Variants in ABCC3 observed in about 807,000 individuals in gnomAD.
ABCC3 encodes the protein ATP binding cassette subfamily C member 3.
A neutral mutation model predicts 165.3 loss-of-function variants in ABCC3; 121 were observed. That is an observed-to-expected ratio of 0.73 (90% CI 0.63 to 0.85). ABCC3 has a LOEUF of 0.85. ABCC3 is among the 40% of genes least tolerant of loss of function. The probability of loss-of-function intolerance (pLI) is 0.00; values close to 1 mark genes in which losing one functional copy is unlikely to be tolerated. For missense variants in ABCC3, 1,869 were observed against 1,964.1 expected, an observed-to-expected ratio of 0.95 and a Z score of 0.92; for synonymous variants, 733 against 810.1, an observed-to-expected ratio of 0.90 and a Z score of 1.62.
At position 50,640,514 on chromosome 17, in the gene ABCC3, T is replaced by TTGTTG. The variant is rs1225088242; in HGVS notation, c.45+5548_45+5552dup. On this transcript the variant is annotated intron_variant, in intron 1 of 30. Coordinates refer to ENST00000285238, the MANE Select transcript of ABCC3 (RefSeq NM_003786.4). ...GCACAACCAGTTTTTGTTTGTTTGT[T>TTGTTG]TGTTGTGTTGTGTTGTGTTTTTGAG... Among the ~76,000 whole-genome samples, 10 of 152,212 alleles carry TTGTTG rather than the reference T, an allele frequency of 6.6e-5. No individual in the cohort carries two copies. In the East Asian group the frequency reaches 1.2e-3, roughly 18 times the overall value.
At position 50,635,622 on chromosome 17, in the gene ABCC3, T is replaced by C. The variant is rs557766095; in HGVS notation, c.45+641T>C. 1.1e-4 allele frequency: 75 copies of C among 702,368 alleles called. No homozygotes were observed. The African/African-American group carries it at 1.2e-3, about 11-fold the overall frequency. 43.5% of individuals were successfully genotyped at this position (702,368 alleles called of 1,614,324 possible). Reference sequence around the variant, plus strand: ...GACAGGTGCAGGGTGTCAGGATTCCTGTAGTCCAACTCCCTTCTCACAGAT... The same window carrying C: ...GACAGGTGCAGGGTGTCAGGATTCCCGTAGTCCAACTCCCTTCTCACAGAT... On this transcript the variant is annotated intron_variant, in intron 1 of 30. Transcript: ENST00000285238.
At chr17:50,679,732 T>A (rs1168776195) in intron 25 of ABCC3, 66 bp from the exon 26 acceptor site, 5 of 1,454,440 alleles carry the variant, frequency 3.4e-6, no homozygotes, top group African/African-American at 2.8e-5. Flanking sequence ...GAGTCTGAAC[T>A]CCTCCCAAAG....
chr17:50,669,519 T>C lies in ABCC3; in HGVS notation c.2232T>C (p.Ile744=). Residue 744 remains isoleucine (I), a synonymous_variant, in exon 17 of 31, where the codon ATT becomes ATC. Transcript: ENST00000285238. ...EMLPGGDQTE[I]GEKGINLSGG... ...TGCCTGGTGGGGATCAGACAGAGATTGGAGAGAAGGTACAGAGTCCTCTTC... is the reference window on the plus strand; with the variant it reads ...TGCCTGGTGGGGATCAGACAGAGATCGGAGAGAAGGTACAGAGTCCTCTTC... 1 of 1,614,150 alleles carries C rather than the reference T, an allele frequency of 6.2e-7. No individual in the cohort carries two copies. Among genetic ancestry groups the C allele is most frequent in the South Asian group, 1.1e-5 (1 of 91,080 alleles).
chr17:50,637,642 T>G (rs1014797683), intron 1 of ABCC3, among the ~76,000 whole-genome samples: 24 of 152,208 alleles, frequency 1.6e-4, no homozygotes, highest in Admixed American at 1.5e-3. Context: ...CCTTATAGCT[T>G]CAGTTTCTCC....
Position 50,684,594 on chromosome 17 carries a change from G to C in ABCC3, c.4114-115G>C, listed in dbSNP as rs899442589. 2.4e-5 allele frequency: 28 copies of C among 1,173,118 alleles called. No homozygotes were observed. In the Admixed American group the frequency reaches 6.1e-4, roughly 26 times the overall value. The allele number at this position is 1,173,118 out of a possible 1,614,324, so 72.7% of individuals were successfully genotyped here. On this transcript the variant is annotated intron_variant, in intron 28 of 30. Transcript: ENST00000285238. ...TGGCCATTGTGTCCTCTGGGGAGCT[G>C]GAAACAGAGTGGGAATGCTGCCACC...
At chr17:50,670,113 G>T (rs567313706) in intron 17 of ABCC3, among the ~76,000 whole-genome samples, 2 of 150,800 alleles carry the variant, frequency 1.3e-5, no homozygotes, top group African/African-American at 4.9e-5. Flanking sequence ...ACAGAGCCTT[G>T]CTCTGTCACC....
chr17:50,661,244 TG>T, intron 8 of ABCC3, 130 bp downstream of exon 8: 1 of 988,196 alleles, frequency 1.0e-6, no homozygotes, highest in Non-Finnish European at 1.4e-6. Flanking sequence ...CTCCACTTTC[TG>T]TGTGACCTTT....
rs193175149 is a variant in ABCC3, at chr17:50,691,101, C to G, written c.4485C>G (p.Val1495=). 36 of 1,613,678 alleles carry G rather than the reference C, an allele frequency of 2.2e-5. No individual in the cohort carries two copies. Among genetic ancestry groups the G allele is most frequent in the Non-Finnish European group, 3.0e-5 (35 of 1,179,632 alleles). The change falls in exon 31 of 31, where the codon GTC becomes GTG. Residue 1495 remains valine, a synonymous_variant. Transcript: ENST00000285238. ...TCTCTTTTTTGACTAGGGTCCTGGT[C>G]CTGGACAAAGGAGTAGTAGCTGAAT... The part of the protein sequence containing the change: ...NTIMDYTRVL[V]LDKGVVAEFD...
In ABCC3 at chr17:50,679,866, G is replaced by A. The variant is rs373253663; in HGVS notation, c.3774G>A (p.Glu1258=). ...TGGAATCTAACATCGTGGCTGTGGA[G>A]AGGGTCAAGGAGTACTCCAAGACAG... is the stretch of plus-strand genomic sequence containing the variant. ...SDLESNIVAV[E]RVKEYSKTET... Residue 1258 remains glutamate, a synonymous_variant, in exon 26 of 31, where the codon GAG becomes GAA. Coordinates refer to ENST00000285238, the MANE Select transcript of ABCC3 (RefSeq NM_003786.4). 2 of 1,614,062 alleles carry A rather than the reference G, an allele frequency of 1.2e-6. No homozygotes were observed. The highest frequency in any genetic ancestry group is 1.3e-5 in the African/African-American group (1 of 74,922).
chr17:50,651,821 T>C (rs1967121327), intron 1 of ABCC3, among the ~76,000 whole-genome samples: 1 of 152,252 alleles, frequency 6.6e-6, no homozygotes, highest in South Asian at 2.1e-4. Flanking sequence ...ACACTTATGC[T>C]TGGATTGCCT....
At chr17:50,656,030 T>C (rs748690571) in intron 2 of ABCC3, 22 bp downstream of exon 2, 11 of 1,605,618 alleles carry the variant, frequency 6.9e-6, no homozygotes, top group African/African-American at 2.7e-5. Flanking sequence ...AGGGATCTCC[T>C]ACCGATGGGG....
In ABCC3 at chr17:50,676,395, C is replaced by G; in HGVS notation, c.3185C>G (p.Thr1062Ser). The change falls in exon 23 of 31, where the codon ACC becomes AGC. Residue 1062 changes from threonine (T) to serine (S), a missense_variant. Transcript: ENST00000285238. ...KIRSPQSFFD[T>S]TPSGRILNCF... ...CGCTCGCCACAGTCCTTCTTTGACA[C>G]CACACCATCAGGCCGCATCCTGAAC... The G allele has an allele frequency of 1.2e-5, 19 of 1,614,234 alleles. No homozygotes were observed. The highest frequency in any genetic ancestry group is 1.5e-5 in the Non-Finnish European group (18 of 1,180,038).
At chr17:50,671,259 TAAAAAAAAAAA>T (rs528722797) in intron 17 of ABCC3, among the ~76,000 whole-genome samples, 1 of 133,238 alleles carries the variant, frequency 7.5e-6, no homozygotes, top group Non-Finnish European at 1.6e-5. Context: ...GACTCTGTCT[TAAAAAAAAAAA>T]AAAGAAAAAA....
At chr17:50,639,176 A>G (rs1216388937) in intron 1 of ABCC3, among the ~76,000 whole-genome samples, 1 of 152,190 alleles carries the variant, frequency 6.6e-6, no homozygotes, top group Admixed American at 6.5e-5. Context: ...TCAGGAACCC[A>G]GTCCTCCCTG....
chr17:50,663,877 C>G lies in ABCC3; in HGVS notation c.1176+19C>G, dbSNP rs1567831445. The stretch of plus-strand genomic sequence containing the variant: ...CAGGAAGGTCAGCTGGAGCAGGGCC[C>G]AGGGGAAAGGCTGGCCCTGGGCAGC... On this transcript the variant is annotated intron_variant, in intron 9 of 30. Coordinates refer to ENST00000285238, the MANE Select transcript of ABCC3 (RefSeq NM_003786.4). 6.2e-7 allele frequency: 1 copy of G among 1,614,186 alleles called. No individual in the cohort carries two copies. Among genetic ancestry groups the G allele is most frequent in the Non-Finnish European group, 8.5e-7 (1 of 1,180,028 alleles).
At chr17:50,647,026 C>G (rs1439682140) in intron 1 of ABCC3, among the ~76,000 whole-genome samples, 1 of 152,122 alleles carries the variant, frequency 6.6e-6, no homozygotes, top group Non-Finnish European at 1.5e-5. Flanking sequence ...TTACAGGTGC[C>G]TGCCACCACG....
chr17:50,638,040 A>G (rs2054195465), intron 1 of ABCC3, among the ~76,000 whole-genome samples: 1 of 152,202 alleles, frequency 6.6e-6, no homozygotes, highest in Non-Finnish European at 1.5e-5. Context: ...TCTCTCTCTC[A>G]CCCATATCGA....
chr17:50,677,809 C>T lies in ABCC3; in HGVS notation c.3444C>T (p.Tyr1148=), dbSNP rs1483172468. ...AATCAGTCAGCCGCTCACCTATCTA[C>T]TCCCACTTTTCGGAGACAGTGACTG... ...RLESVSRSPI[Y]SHFSETVTGA... is the part of the protein sequence containing the mutation. The change falls in exon 24 of 31, where the codon TAC becomes TAT. Residue 1148 remains tyrosine (Y), a synonymous_variant. Transcript: ENST00000285238. 1 of 1,614,178 alleles carries T rather than the reference C, an allele frequency of 6.2e-7. No homozygotes were observed.
chr17:50,668,686 C>T (rs1398544847), intron 14 of ABCC3, among the ~76,000 whole-genome samples, 167 bp from the exon 15 acceptor site: 1 of 152,158 alleles, frequency 6.6e-6, no homozygotes, highest in Non-Finnish European at 1.5e-5. Flanking sequence ...CCTCCGCCCT[C>T]CTCCACAGGG....
Sources: gnomAD v4.1 joint callset for allele counts (sites outside exome capture counted in the v4.1 genomes callset) on GRCh38, gnomAD v4.1.1 for gene constraint, MANE v1.5 for transcripts, NCBI Gene and HGNC (gene_info 2026-07-23, HGNC 2026-07-21) for gene names.